Variants in MDGA2 observed in about 807,000 individuals in gnomAD.
MDGA2 encodes MAM domain containing glycosylphosphatidylinositol anchor 2.
Under a neutral mutation model 117.8 loss-of-function variants are expected in MDGA2, and 40 were observed. The ratio of observed to expected loss-of-function variants is 0.34; its 90% CI spans 0.26 to 0.44. The LOEUF is 0.44. Ranked by LOEUF, MDGA2 falls within the 20% of genes least tolerant of loss-of-function variation. The pLI is 1.00. For synonymous variants in MDGA2, 452 were observed against 439.0 expected (o/e 1.03, Z -0.37); for missense variants, 1,123 against 1,250.6 (o/e 0.90, Z 1.54).
intron 3 of MDGA2, among the ~76,000 whole-genome samples, chr14:47,209,438 G>C (rs1413866329): frequency 2.0e-5 from 3 of 152,128 alleles, no homozygotes; most frequent in Non-Finnish European, 4.4e-5. Flanking sequence ...GAGCAACTGA[G>C]GGAAAGCTGA....
intron 1 of MDGA2, among the ~76,000 whole-genome samples, chr14:47,489,944 T>C (rs1435275850): frequency 6.6e-6 from 1 of 152,100 alleles, no homozygotes; most frequent in Non-Finnish European, 1.5e-5. Flanking sequence ...TACTTGGTAG[T>C]CTTCATACTC....
chr14:47,647,014 C>T (rs1327820679), intron 1 of MDGA2, among the ~76,000 whole-genome samples: 2 of 152,070 alleles, frequency 1.3e-5, no homozygotes, highest in African/African-American at 4.8e-5. Flanking sequence ...AATACATTGC[C>T]ATGTCTTATG....
At chr14:46,889,250 T>A (rs895743632) in intron 10 of MDGA2, among the ~76,000 whole-genome samples, 3 of 152,096 alleles carry the variant, frequency 2.0e-5, no homozygotes, top group African/African-American at 7.2e-5. Context: ...GAGTATCATC[T>A]TCTTTACATT....
intron 9 of MDGA2, among the ~76,000 whole-genome samples, chr14:46,929,879 C>T (rs1342007553): frequency 6.7e-6 from 1 of 150,112 alleles, no homozygotes; most frequent in Non-Finnish European, 1.5e-5. Flanking sequence ...TCAGGTGATC[C>T]ACCTTCCTCA....
At chr14:47,043,193 G>C (rs1435466188) in intron 7 of MDGA2, among the ~76,000 whole-genome samples, 1 of 151,986 alleles carries the variant, frequency 6.6e-6, no homozygotes, top group Non-Finnish European at 1.5e-5. Flanking sequence ...CAACATGCTA[G>C]ACATTCCTCA....
At position 47,633,703 on chromosome 14, in the gene MDGA2, G is replaced by A. The variant is rs1006322521; in HGVS notation, c.280+40814C>T. Reference sequence around the variant, plus strand: ...TTTGCTTATTTTACAAATGCTGTGCGAAAGTTGCAGAATTCTACTGATGCT... The same window carrying A: ...TTTGCTTATTTTACAAATGCTGTGCAAAAGTTGCAGAATTCTACTGATGCT... On this transcript the variant is annotated intron_variant, in intron 1 of 16. Transcript: ENST00000399232. 7.2e-5 allele frequency among the ~76,000 whole-genome samples: 11 copies of A among 152,136 alleles called. 1 individual carries two copies. Among genetic ancestry groups the A allele is most frequent in the African/African-American group, 1.9e-4 (8 of 41,436 alleles).
intron 15 of MDGA2, among the ~76,000 whole-genome samples, chr14:46,852,278 C>T (rs1402312571): frequency 6.6e-6 from 1 of 151,322 alleles, no homozygotes; most frequent in East Asian, 1.9e-4. Context: ...CCACAGTGTT[C>T]AGGATACTAG....
chr14:47,144,017 T>C, intron 4 of MDGA2, 61 bp downstream of exon 4: 1 of 1,231,818 alleles, frequency 8.1e-7, no homozygotes, highest in East Asian at 2.7e-5. Context: ...GAATTCATGC[T>C]GCCTGAATTA....
chr14:47,307,414 C>T (rs1889488515), intron 1 of MDGA2, among the ~76,000 whole-genome samples: 1 of 152,140 alleles, frequency 6.6e-6, no homozygotes, highest in Admixed American at 6.5e-5. Flanking sequence ...GCTGTGGTGG[C>T]TTATGCCTGT....
At chr14:47,641,586 A>G (rs1272287065) in intron 1 of MDGA2, among the ~76,000 whole-genome samples, 1 of 152,140 alleles carries the variant, frequency 6.6e-6, no homozygotes. Context: ...CAGGAGTTCA[A>G]AAGTCCAGAC....
At chr14:47,356,018 G>C (rs1433254246) in intron 1 of MDGA2, among the ~76,000 whole-genome samples, 1 of 152,100 alleles carries the variant, frequency 6.6e-6, no homozygotes, top group Non-Finnish European at 1.5e-5. Flanking sequence ...ATCAAGAACT[G>C]AAAGACTGGC....
chr14:46,878,145 G>T (rs777483374), intron 11 of MDGA2, among the ~76,000 whole-genome samples: 1 of 151,890 alleles, frequency 6.6e-6, no homozygotes, highest in African/African-American at 2.4e-5. Context: ...GGTACCAAAA[G>T]AATTTTTTTT....
chr14:47,071,183 G>C (rs1385681789), intron 6 of MDGA2, among the ~76,000 whole-genome samples: 2 of 152,138 alleles, frequency 1.3e-5, no homozygotes, highest in Admixed American at 6.5e-5. Context: ...ACACACCCCA[G>C]TATGTTGCTC....
chr14:47,415,873 G>C (rs564935021), intron 1 of MDGA2, among the ~76,000 whole-genome samples: 2 of 152,098 alleles, frequency 1.3e-5, no homozygotes, highest in Non-Finnish European at 2.9e-5. Context: ...TCTTTTATAA[G>C]GGTGCTAATG....
chr14:47,141,016 T>C (rs1041430597), intron 4 of MDGA2, among the ~76,000 whole-genome samples: 1 of 152,012 alleles, frequency 6.6e-6, no homozygotes, highest in African/African-American at 2.4e-5. Context: ...AAAGAATACA[T>C]ACAAATGACC....
chr14:47,278,192 G>T (rs929718138), intron 2 of MDGA2, among the ~76,000 whole-genome samples: 3 of 151,986 alleles, frequency 2.0e-5, no homozygotes, highest in African/African-American at 7.3e-5. Context: ...AAAAAAATCA[G>T]AAAAGTTACT....
At chr14:47,023,910 T>C (rs971259516) in intron 8 of MDGA2, among the ~76,000 whole-genome samples, 1 of 152,008 alleles carries the variant, frequency 6.6e-6, no homozygotes, top group Non-Finnish European at 1.5e-5. Context: ...AAGGAAACAA[T>C]AGGATCAAAA....
intron 8 of MDGA2, among the ~76,000 whole-genome samples, chr14:46,963,526 C>A (rs1454191437): frequency 6.6e-6 from 1 of 152,186 alleles, no homozygotes; most frequent in Non-Finnish European, 1.5e-5. Context: ...CATAAGTTTT[C>A]TTCTTGTTTC....
intron 1 of MDGA2, among the ~76,000 whole-genome samples, chr14:47,646,492 C>T (rs569358130): frequency 7.4e-4 from 113 of 152,156 alleles, no homozygotes; most frequent in Non-Finnish European, 1.1e-3. Context: ...TCTTTCTTCT[C>T]GGGTCTGGAT....
Sources: gnomAD v4.1 joint callset for allele counts (sites outside exome capture counted in the v4.1 genomes callset) on GRCh38, gnomAD v4.1.1 for gene constraint, MANE v1.5 for transcripts, NCBI Gene and HGNC (gene_info 2026-07-23, HGNC 2026-07-21) for gene names.